CELF4: variants seen among roughly 807,000 people sequenced by gnomAD.
CELF4 encodes the protein CUGBP Elav-like family member 4.
A neutral mutation model predicts 59.9 loss-of-function variants in CELF4; 18 were observed. The ratio of observed to expected loss-of-function variants is 0.30; its 90% CI spans 0.21 to 0.45. The LOEUF is 0.45. CELF4 is among the 20% of genes least tolerant of loss of function. The pLI is 1.00. For synonymous variants in CELF4, 261 were observed against 267.1 expected (o/e 0.98, Z 0.22); for missense variants, 456 against 689.0 (o/e 0.66, Z 3.79).
chr18:37,430,733 C>A lies in CELF4; in HGVS notation c.369+54792G>T, dbSNP rs1340526743. On this transcript the variant is annotated intron_variant, in intron 2 of 12. Coordinates refer to ENST00000420428, the MANE Select transcript of CELF4 (RefSeq NM_020180.4). The stretch of plus-strand genomic sequence containing the variant: ...TCAGATGCCTCCTCCTGGCTCGGGC[C>A]CCCTGGTAGCTAAGGAAGTGGCCTG... Among the ~76,000 whole-genome samples, 6 of 152,168 alleles carry A rather than the reference C, an allele frequency of 3.9e-5. No homozygotes were observed. The East Asian group carries it at 1.2e-3, about 29-fold the overall frequency.
At chr18:37,348,666 G>T (rs961886701) in intron 2 of CELF4, among the ~76,000 whole-genome samples, 3 of 152,026 alleles carry the variant, frequency 2.0e-5, no homozygotes, top group Non-Finnish European at 2.9e-5. Flanking sequence ...TGGCTTTTGC[G>T]GTTTCTATCC....
In CELF4 at chr18:37,383,030, GTA is replaced by G. The variant is rs2099058943; in HGVS notation, c.370-61151_370-61150del. On this transcript the variant is annotated intron_variant, in intron 2 of 12. Transcript: ENST00000420428. ...TGTATGTAATAGTACATACATGTATGTATGTATGTATGTATGTATGTATGTAT... is the reference window on the plus strand; with the variant it reads ...TGTATGTAATAGTACATACATGTATGTGTATGTATGTATGTATGTATGTAT... Among the ~76,000 whole-genome samples the G allele has an allele frequency of 6.8e-5, 4 of 58,892 alleles. No homozygotes were observed. The South Asian group carries it at 1.9e-3, about 28-fold the overall frequency. The allele number at this position is 58,892 out of a possible 152,430, so 38.6% of individuals were successfully genotyped here.
intron 2 of CELF4, among the ~76,000 whole-genome samples, chr18:37,387,487 A>G (rs905008739): frequency 2.0e-5 from 3 of 152,178 alleles, no homozygotes; most frequent in South Asian, 2.1e-4. Flanking sequence ...TTCAGGATCC[A>G]GGGCCCACCT....
chr18:37,382,358 G>A (rs746008115), intron 2 of CELF4, among the ~76,000 whole-genome samples: 1 of 152,336 alleles, frequency 6.6e-6, no homozygotes, highest in Admixed American at 6.5e-5. Context: ...CTCTTTCAGA[G>A]AATGGGAAAC....
At chr18:37,497,228 A>T (rs1387824389) in intron 1 of CELF4, among the ~76,000 whole-genome samples, 6 of 152,266 alleles carry the variant, frequency 3.9e-5, no homozygotes, top group African/African-American at 1.4e-4. Flanking sequence ...AGACCCAACA[A>T]ACCATGTGAC....
chr18:37,454,658 C>T (rs751123530), intron 2 of CELF4, among the ~76,000 whole-genome samples: 2 of 152,184 alleles, frequency 1.3e-5, no homozygotes, highest in Non-Finnish European at 2.9e-5. Context: ...AAATGTCCAT[C>T]CGGCATCAGG....
At chr18:37,379,655 A>T (rs907634846) in intron 2 of CELF4, among the ~76,000 whole-genome samples, 1 of 151,794 alleles carries the variant, frequency 6.6e-6, no homozygotes, top group Admixed American at 6.6e-5. Flanking sequence ...GTCTTTTGGG[A>T]CCTCAAACTG....
At chr18:37,437,073 C>A (rs2154600997) in intron 2 of CELF4, among the ~76,000 whole-genome samples, 1 of 152,342 alleles carries the variant, frequency 6.6e-6, no homozygotes, top group Admixed American at 6.5e-5. Flanking sequence ...GCTTGTCAGG[C>A]AGCTGGCAGA....
At chr18:37,420,094 A>T (rs898939630) in intron 2 of CELF4, among the ~76,000 whole-genome samples, 2 of 152,200 alleles carry the variant, frequency 1.3e-5, no homozygotes, top group African/African-American at 4.8e-5. Context: ...AGGCCATCCA[A>T]GCCCTGGCCT....
chr18:37,387,598 GTAAAGTTGAGGACTCTGGTC>G (rs1200613134), intron 2 of CELF4, among the ~76,000 whole-genome samples: 1 of 152,210 alleles, frequency 6.6e-6, no homozygotes, highest in East Asian at 1.9e-4. Context: ...GAGTCTCGAT[GTAAAGTTGAGGACTCTGGTC>G]TGGGGCTTTT....
chr18:37,505,726 G>C (rs1341771868), intron 1 of CELF4, among the ~76,000 whole-genome samples: 1 of 152,156 alleles, frequency 6.6e-6, no homozygotes, highest in East Asian at 1.9e-4. Flanking sequence ...GATGTTGGAG[G>C]AGTTCCTTAA....
chr18:37,510,800 TC>T (rs1263108063), intron 1 of CELF4, among the ~76,000 whole-genome samples: 1 of 152,072 alleles, frequency 6.6e-6, no homozygotes, highest in Non-Finnish European at 1.5e-5. Context: ...GTGCACATGC[TC>T]CCCCTTTCAC....
At chr18:37,356,106 A>G (rs569882567) in intron 2 of CELF4, among the ~76,000 whole-genome samples, 4 of 152,180 alleles carry the variant, frequency 2.6e-5, no homozygotes, top group Non-Finnish European at 5.9e-5. Context: ...TTCAGGTGAC[A>G]GTCCAGTGGC....
intron 2 of CELF4, among the ~76,000 whole-genome samples, chr18:37,341,252 T>G (rs1247862084): frequency 6.6e-6 from 1 of 152,148 alleles, no homozygotes; most frequent in African/African-American, 2.4e-5. Context: ...TGGGCTCTGG[T>G]CTGTGTAATC....
intron 1 of CELF4, among the ~76,000 whole-genome samples, chr18:37,532,496 C>G (rs2099970347): frequency 6.6e-6 from 1 of 152,088 alleles, no homozygotes; most frequent in South Asian, 2.1e-4. Context: ...AGATGAAAGA[C>G]CAGACATTTA....
At chr18:37,366,673 G>A (rs192493534) in intron 2 of CELF4, among the ~76,000 whole-genome samples, 1 of 152,286 alleles carries the variant, frequency 6.6e-6, no homozygotes, top group Admixed American at 6.5e-5. Flanking sequence ...AGGCAAGGAG[G>A]GTCAGGGAGG....
intron 1 of CELF4, 110 bp from the exon 2 acceptor site, chr18:37,485,717 T>C: frequency 2.0e-6 from 1 of 508,038 alleles, no homozygotes; most frequent in Non-Finnish European, 3.1e-6. Flanking sequence ...GCTCGGTCCC[T>C]GTCCCCACCT....
intron 2 of CELF4, among the ~76,000 whole-genome samples, chr18:37,396,840 C>G (rs1354824146): frequency 6.6e-6 from 1 of 152,108 alleles, no homozygotes; most frequent in Non-Finnish European, 1.5e-5. Context: ...CCAGACAGCC[C>G]TCCTAGAGGA....
At chr18:37,517,201 C>G (rs949312431) in intron 1 of CELF4, among the ~76,000 whole-genome samples, 3 of 152,222 alleles carry the variant, frequency 2.0e-5, no homozygotes, top group East Asian at 1.9e-4. Context: ...CCCGTCCCCT[C>G]TCCCCACTCA....
Sources: allele counts gnomAD v4.1 joint callset (sites outside exome capture counted in the v4.1 genomes callset), GRCh38; gene constraint gnomAD v4.1.1; transcripts MANE v1.5; gene names NCBI Gene and HGNC (gene_info 2026-07-23, HGNC 2026-07-21).